The following SAMM50 variants were observed in gnomAD, a reference collection of about 807,000 sequenced individuals.
SAMM50 encodes sorting and assembly machinery component 50 homolog.
SAMM50 carries 47 observed loss-of-function variants against 66.9 expected under a neutral mutation model. That is an observed-to-expected ratio of 0.70 (90% CI 0.56 to 0.90). The LOEUF (loss-of-function observed/expected upper bound fraction) is 0.90. SAMM50 is among the 40% of genes least tolerant of loss of function. The probability of loss-of-function intolerance (pLI) is 0.00; values close to 1 mark genes in which losing one functional copy is unlikely to be tolerated. For synonymous variants in SAMM50, 191 were observed against 214.1 expected (o/e 0.89, Z 0.94); for missense variants, 535 against 595.3 (o/e 0.90, Z 1.05).
At position 43,996,335 on chromosome 22, in the gene SAMM50, T is replaced by A; in HGVS notation, c.1365-3T>A. 6.2e-7 allele frequency: 1 copy of A among 1,614,080 alleles called. No individual in the cohort carries two copies. The highest frequency in any genetic ancestry group is 8.5e-7 in the Non-Finnish European group (1 of 1,179,988). ...CCGCATCTGATCTCTCCCCTTTTTT[T>A]AGGATATGTGATGGCGTCCAGTTTG... On this transcript the variant is annotated splice_polypyrimidine_tract_variant and splice_region_variant and intron_variant, in intron 14 of 14. Coordinates refer to ENST00000350028, the MANE Select transcript of SAMM50 (RefSeq NM_015380.5).
chr22:43,966,061 G>T lies in SAMM50; in HGVS notation c.234+1508G>T, dbSNP rs869179830. ...TTGCCATGTTGTCCAGGCTGATCTGGAACTCCTGGCACAAGGGGTCCTCCC... is the reference window on the plus strand; with the variant it reads ...TTGCCATGTTGTCCAGGCTGATCTGTAACTCCTGGCACAAGGGGTCCTCCC... On this transcript the variant is annotated intron_variant, in intron 3 of 14. Transcript: ENST00000350028. 3.9e-5 allele frequency among the ~76,000 whole-genome samples: 6 copies of T among 152,238 alleles called. No individual in the cohort carries two copies. In the East Asian group the frequency reaches 1.2e-3, roughly 29 times the overall value.
rs112442303 is a variant in SAMM50 at position 43,989,268 on chromosome 22, C to A, written c.1222+11C>A. 3.1e-6 allele frequency: 5 copies of A among 1,613,520 alleles called. No individual in the cohort carries two copies. The highest frequency in any genetic ancestry group is 3.4e-6 in the Non-Finnish European group (4 of 1,179,748). ...GCAACCTCAACTATGGTAAAACTTG[C>A]GCTATTCAAGAAACCATTGTAGTAC... On this transcript the variant is annotated intron_variant, in intron 13 of 14. Coordinates refer to ENST00000350028, the MANE Select transcript of SAMM50 (RefSeq NM_015380.5).
Position 43,989,278 on chromosome 22 carries a change from G to T in SAMM50, c.1222+21G>T, listed in dbSNP as rs1031396494. 4 of 1,609,698 alleles carry T rather than the reference G, an allele frequency of 2.5e-6. No individual in the cohort carries two copies. The African/African-American group carries it at 5.4e-5, about 22-fold the overall frequency. On this transcript the variant is annotated intron_variant, in intron 13 of 14. Coordinates refer to ENST00000350028, the MANE Select transcript of SAMM50 (RefSeq NM_015380.5). ...CTATGGTAAAACTTGCGCTATTCAA[G>T]AAACCATTGTAGTACAGTTGTTTTC...
intron 14 of SAMM50, among the ~76,000 whole-genome samples, chr22:43,994,018 C>T (rs560768893): frequency 1.3e-5 from 2 of 152,298 alleles, no homozygotes; most frequent in African/African-American, 4.8e-5. Context: ...CAGGCAGGCT[C>T]GCTTGGGAGA....
chr22:43,973,194 T>C, intron 6 of SAMM50, 42 bp from the exon 7 acceptor site: 1 of 1,384,304 alleles, frequency 7.2e-7, no homozygotes, highest in Non-Finnish European at 1.0e-6. Context: ...CAAGTTCTAA[T>C]CACTGTTTCA....
intron 7 of SAMM50, 61 bp from the exon 8 acceptor site, chr22:43,975,991 AATG>A: frequency 6.6e-7 from 1 of 1,523,564 alleles, no homozygotes. Flanking sequence ...CATTCCAAAA[AATG>A]ATTTGCAACA....
At chr22:43,963,654 A>G (rs1318551391) in intron 2 of SAMM50, among the ~76,000 whole-genome samples, 1 of 152,246 alleles carries the variant, frequency 6.6e-6, no homozygotes, top group Non-Finnish European at 1.5e-5. Context: ...CCAAAAATAT[A>G]TCAAGGACAA....
chr22:43,972,438 T>C (rs2050208689), intron 5 of SAMM50, 96 bp downstream of exon 5: 2 of 660,650 alleles, frequency 3.0e-6, no homozygotes, highest in East Asian at 3.0e-5. Context: ...AGTTTCAAAA[T>C]TCGGTCATTT....
At chr22:43,972,178 G>A (rs1048612654) in intron 4 of SAMM50, 58 bp from the exon 5 acceptor site, 1 of 1,085,878 alleles carries the variant, frequency 9.2e-7, no homozygotes, top group Non-Finnish European at 1.3e-6. Context: ...TTTAGCAATG[G>A]GAACCCAAAG....
chr22:43,968,688 C>G (rs762785897), intron 3 of SAMM50, 43 bp from the exon 4 acceptor site: 4 of 1,363,678 alleles, frequency 2.9e-6, no homozygotes, highest in Non-Finnish European at 4.2e-6. Context: ...GTTTCTGTAT[C>G]GTAGAAGAAT....
At chr22:43,996,067 G>A (rs2050352157) in intron 14 of SAMM50, 1 of 529,368 alleles carries the variant, frequency 1.9e-6, no homozygotes, top group Non-Finnish European at 3.4e-6. Flanking sequence ...GAACGTGAAG[G>A]AGGTGAGGAG....
intron 13 of SAMM50, 48 bp from the exon 14 acceptor site, chr22:43,990,217 T>C (rs1396448438): frequency 8.7e-6 from 14 of 1,608,782 alleles, no homozygotes; most frequent in Non-Finnish European, 1.2e-5. Flanking sequence ...CTGGGAGAGC[T>C]TGGAAGGACG....
rs1183476402 is a variant in SAMM50, at chr22:43,983,446, T to C, written c.1008-487T>C. ...CATTAGGGAACAAGAGGAGCTCATA[T>C]TTAAAAATTATAAACCTAACAAGAA... On this transcript the variant is annotated intron_variant, in intron 11 of 14. Transcript: ENST00000350028. This position sits in a 1 kb window ranked among gnomAD's most constrained non-coding sequence, Gnocchi z 4.2. Among the ~76,000 whole-genome samples the C allele has an allele frequency of 6.6e-6, 1 of 152,262 alleles. No individual in the cohort carries two copies. Among genetic ancestry groups the C allele is most frequent in the South Asian group, 2.1e-4 (1 of 4,834 alleles).
chr22:43,967,403 C>T (rs986181163), intron 3 of SAMM50, among the ~76,000 whole-genome samples: 6 of 152,222 alleles, frequency 3.9e-5, no homozygotes, highest in African/African-American at 4.8e-5. Context: ...TGGTGTTCAG[C>T]GCTAGCCCAG....
chr22:43,979,903 G>T (rs2146820043), intron 10 of SAMM50, among the ~76,000 whole-genome samples: 1 of 149,222 alleles, frequency 6.7e-6, no homozygotes, highest in South Asian at 2.1e-4. Context: ...TTTTTCAGTT[G>T]TTTCCTTGGC....
In SAMM50 at chr22:43,976,112, G is replaced by A; in HGVS notation, c.706G>A (p.Gly236Ser). The change falls in exon 8 of 15, where the codon GGC (glycine) becomes AGC (serine). Residue 236 changes from glycine (G) to serine (S), a missense_variant. By Grantham distance (56) the Gly-to-Ser change is moderately conservative. Transcript: ENST00000350028. ...VKWEGVWRELGCLSRTASFAV... is the reference protein window; with the variant it reads ...VKWEGVWRELSCLSRTASFAV... ...GTGGGAAGGCGTATGGCGAGAACTGGGCTGCCTCTCAAGGACGGCGTCATT... is the reference window on the plus strand; with the variant it reads ...GTGGGAAGGCGTATGGCGAGAACTGAGCTGCCTCTCAAGGACGGCGTCATT... 1.2e-6 allele frequency: 2 copies of A among 1,612,744 alleles called. No individual in the cohort carries two copies. Among genetic ancestry groups the A allele is most frequent in the African/African-American group, 1.3e-5 (1 of 75,026 alleles).
At chr22:43,992,040 C>T (rs558082294) in intron 14 of SAMM50, among the ~76,000 whole-genome samples, 2 of 130,716 alleles carry the variant, frequency 1.5e-5, no homozygotes, top group Admixed American at 7.6e-5. Flanking sequence ...TATGCATTCA[C>T]AGCACCCCAG....
chr22:43,990,980 A>AT (rs10661965), intron 14 of SAMM50, among the ~76,000 whole-genome samples: 100,986 of 148,564 alleles, frequency 0.68, 34,565 homozygotes, highest in East Asian at 0.83. Context: ...ATTGTGTAAA[A>AT]TTTTTTTTTT....
In SAMM50 at chr22:43,983,703, T is replaced by G. The variant is rs1398450467; in HGVS notation, c.1008-230T>G. Among the ~76,000 whole-genome samples the G allele has an allele frequency of 6.6e-6, 1 of 152,206 alleles. No individual in the cohort carries two copies. The highest frequency in any genetic ancestry group is 1.5e-5 in the Non-Finnish European group (1 of 68,034). On this transcript the variant is annotated intron_variant, in intron 11 of 14. Coordinates refer to ENST00000350028, the MANE Select transcript of SAMM50 (RefSeq NM_015380.5). This position sits in a 1 kb window ranked among gnomAD's most constrained non-coding sequence, Gnocchi z 4.2. ...CTAGTGTGTTTCTTGGCATCTTGTG[T>G]CTCACCTGCATCTCCAAAGTTTGCA...
Sources: gnomAD v4.1 joint callset for allele counts (sites outside exome capture counted in the v4.1 genomes callset) on GRCh38, gnomAD v4.1.1 for gene constraint, Gnocchi (gnomAD v3.1) non-coding constraint, MANE v1.5 for transcripts, NCBI Gene and HGNC (gene_info 2026-07-23, HGNC 2026-07-21) for gene names.